Variants in EHMT1 observed in about 807,000 individuals in gnomAD.
EHMT1 encodes the protein euchromatic histone lysine methyltransferase 1.
A neutral mutation model predicts 147.2 loss-of-function variants in EHMT1; 15 were observed. That is an observed-to-expected ratio of 0.10 (90% CI 0.07 to 0.16). The LOEUF (loss-of-function observed/expected upper bound fraction) is 0.16. Ranked by LOEUF, EHMT1 falls within the 10% of genes least tolerant of loss-of-function variation. The pLI, the probability that EHMT1 is intolerant of heterozygous loss-of-function variation, is 1.00. For synonymous variants in EHMT1, 795 were observed against 709.6 expected (o/e 1.12, Z -1.91); for missense variants, 1,587 against 1,772.4 (o/e 0.90, Z 1.88).
chr9:137,706,763 A>C (rs1006658733), intron 1 of EHMT1, among the ~76,000 whole-genome samples: 1 of 152,028 alleles, frequency 6.6e-6, no homozygotes, highest in Admixed American at 6.6e-5. Flanking sequence ...CTGGGATTGC[A>C]AGCGAGAGCC....
At chr9:137,715,276 A>G (rs1021120082) in intron 2 of EHMT1, among the ~76,000 whole-genome samples, 9 of 152,192 alleles carry the variant, frequency 5.9e-5, no homozygotes, top group African/African-American at 2.2e-4. Context: ...GCATTTACAT[A>G]TACATCTGCT....
intron 1 of EHMT1, among the ~76,000 whole-genome samples, chr9:137,695,362 G>A (rs984028204): frequency 6.6e-6 from 1 of 152,192 alleles, no homozygotes; most frequent in Non-Finnish European, 1.5e-5. Flanking sequence ...AGCATGGACG[G>A]AGCCCTGGAG....
intron 16 of EHMT1, among the ~76,000 whole-genome samples, chr9:137,798,474 G>T (rs1386116435): frequency 1.3e-5 from 2 of 152,186 alleles, no homozygotes; most frequent in Admixed American, 6.5e-5. Flanking sequence ...CAGAGTCCCT[G>T]GCGTTTCCGG....
At chr9:137,700,412 G>A (rs903655581) in intron 1 of EHMT1, among the ~76,000 whole-genome samples, 2 of 152,134 alleles carry the variant, frequency 1.3e-5, no homozygotes, top group Non-Finnish European at 2.9e-5. Context: ...AAAACTTCAC[G>A]AAGTGGGAAA....
intron 25 of EHMT1, chr9:137,833,967 G>A (rs1004907401): frequency 1.1e-5 from 3 of 285,524 alleles, no homozygotes; most frequent in Non-Finnish European, 2.0e-5. Flanking sequence ...ACTGCCTCAC[G>A]GGGCTCTTGC....
At chr9:137,711,192 CACAG>C (rs1406813407) in intron 2 of EHMT1, among the ~76,000 whole-genome samples, 162 bp downstream of exon 2, 1 of 152,136 alleles carries the variant, frequency 6.6e-6, no homozygotes, top group Non-Finnish European at 1.5e-5. Flanking sequence ...AGCACAGTTG[CACAG>C]ACAAACACAA....
At chr9:137,784,201 A>G (rs1951783921) in intron 15 of EHMT1, 4 of 1,550,254 alleles carry the variant, frequency 2.6e-6, no homozygotes, top group Non-Finnish European at 2.6e-6. Context: ...GAACCACGCC[A>G]AGAGGAAGAT....
At chr9:137,689,977 G>T (rs887128038) in intron 1 of EHMT1, among the ~76,000 whole-genome samples, 2 of 152,194 alleles carry the variant, frequency 1.3e-5, no homozygotes, top group African/African-American at 4.8e-5. Context: ...AGCAGTGCAC[G>T]CATAGGCTCT....
In EHMT1 at chr9:137,703,687, T is replaced by A. The variant is rs1944024973; in HGVS notation, c.22-7280T>A. On this transcript the variant is annotated intron_variant, in intron 1 of 26. Coordinates refer to ENST00000460843, the MANE Select transcript of EHMT1 (RefSeq NM_024757.5). ...GCTTGGACTTCATTGTCCATATCAC[T>A]GTCAGCATTTTGGTCAAAACCATTC... Among the ~76,000 whole-genome samples the A allele has an allele frequency of 2.0e-5, 3 of 152,280 alleles. No homozygotes were observed. The South Asian group carries it at 6.2e-4, about 32-fold the overall frequency.
intron 4 of EHMT1, among the ~76,000 whole-genome samples, chr9:137,741,821 T>C (rs1948110002): frequency 6.6e-6 from 1 of 152,216 alleles, no homozygotes; most frequent in South Asian, 2.1e-4. Context: ...TAAGTGGACC[T>C]ATGTGATTAA....
chr9:137,687,248 T>C (rs10732688), intron 1 of EHMT1, among the ~76,000 whole-genome samples: 1 of 151,930 alleles, frequency 6.6e-6, no homozygotes, highest in Non-Finnish European at 1.5e-5. Context: ...AATGGGAAAA[T>C]GTGAGTCCTC....
chr9:137,761,668 A>G (rs982885772), intron 9 of EHMT1, among the ~76,000 whole-genome samples: 1 of 152,000 alleles, frequency 6.6e-6, no homozygotes, highest in South Asian at 2.1e-4. Flanking sequence ...CATGTTGTCC[A>G]GGAGGGTCTC....
intron 18 of EHMT1, among the ~76,000 whole-genome samples, chr9:137,805,680 T>A (rs1295686699): frequency 6.6e-6 from 1 of 152,002 alleles, no homozygotes; most frequent in African/African-American, 2.4e-5. Flanking sequence ...TTTTTTTTTT[T>A]AAGATGGAGT....
chr9:137,647,376 G>A (rs1378059865), intron 1 of EHMT1, among the ~76,000 whole-genome samples: 4 of 152,128 alleles, frequency 2.6e-5, no homozygotes, highest in Non-Finnish European at 5.9e-5. Flanking sequence ...CTCTCGCCCC[G>A]CAGCGCTAGA....
intron 17 of EHMT1, chr9:137,800,547 C>T (rs986002576): frequency 1.3e-5 from 5 of 381,536 alleles, no homozygotes; most frequent in East Asian, 5.7e-5. Flanking sequence ...GTGTGTGTGC[C>T]ATTAGACTCG....
intron 19 of EHMT1, among the ~76,000 whole-genome samples, chr9:137,811,874 T>C (rs1393899225): frequency 6.6e-6 from 1 of 152,198 alleles, no homozygotes; most frequent in Admixed American, 6.5e-5. Context: ...TCAGACCTGA[T>C]ACTCCTCACA....
intron 10 of EHMT1, 153 bp downstream of exon 10, chr9:137,762,973 C>G (rs974130662): frequency 2.1e-6 from 2 of 948,516 alleles, no homozygotes; most frequent in African/African-American, 3.3e-5. Flanking sequence ...GAGCAGATCC[C>G]AACAGTGAAA....
chr9:137,668,451 C>T (rs933634895), intron 1 of EHMT1, among the ~76,000 whole-genome samples: 1 of 152,152 alleles, frequency 6.6e-6, no homozygotes, highest in Non-Finnish European at 1.5e-5. Context: ...ATCCATTCAC[C>T]TGTCCACATC....
At chr9:137,699,552 A>G (rs1943666478) in intron 1 of EHMT1, among the ~76,000 whole-genome samples, 1 of 152,206 alleles carries the variant, frequency 6.6e-6, no homozygotes, top group African/African-American at 2.4e-5. Context: ...CCATGCGCCT[A>G]TAATCCCAGC....
Sources: gnomAD v4.1 joint callset for allele counts (sites outside exome capture counted in the v4.1 genomes callset) on GRCh38, gnomAD v4.1.1 for gene constraint, MANE v1.5 for transcripts, NCBI Gene and HGNC (gene_info 2026-07-23, HGNC 2026-07-21) for gene names.